CHRNA1: variants seen among roughly 807,000 people sequenced by gnomAD.
CHRNA1 encodes acetylcholine receptor subunit alpha.
In CHRNA1, 35 loss-of-function variants were observed where a neutral mutation model predicts 47.1. The ratio of observed to expected loss-of-function variants is 0.74; its 90% confidence interval spans 0.57 to 0.99. The LOEUF is 0.99. Among genes scored for constraint, CHRNA1 ranks in the 50% least tolerant of loss-of-function variants. CHRNA1 has a pLI of 0.00. For synonymous variants in CHRNA1, 229 were observed against 223.6 expected, an observed-to-expected ratio of 1.02 and a Z score of -0.22; for missense variants, 506 against 591.1, an observed-to-expected ratio of 0.86 and a Z score of 1.49.
At chr2:174,757,911 C>A in intron 3 of CHRNA1, 1 of 1,264,252 alleles carries the variant, frequency 7.9e-7, no homozygotes, top group Non-Finnish European at 1.1e-6. Flanking sequence ...ATTTAGTCCT[C>A]ACAACAATCC....
Position 174,748,719 on chromosome 2 carries a change from A to G in CHRNA1, c.1103T>C (p.Ile368Thr). ...DKKIFTEDIDISDISGKPGPP... is the reference protein window; with the variant it reads ...DKKIFTEDIDTSDISGKPGPP... ...CCCTGGCTTTCCAGAAATGTCAGAG[A>G]TATCAATGTCTTCTGTAAAAATCTT... The change falls in exon 8 of 9, where the codon ATC becomes ACC. Residue 368 changes from isoleucine to threonine, a missense_variant. Coordinates refer to ENST00000348749, the MANE Select transcript of CHRNA1 (RefSeq NM_000079.4). 1 of 1,614,224 alleles carries G rather than the reference A, an allele frequency of 6.2e-7. No individual in the cohort carries two copies.
chr2:174,748,742 C>A lies in CHRNA1; in HGVS notation c.1080G>T (p.Lys360Asn). 1.2e-6 allele frequency: 2 copies of A among 1,614,158 alleles called. No individual in the cohort carries two copies. The highest frequency in any genetic ancestry group is 8.5e-7 in the Non-Finnish European group (1 of 1,180,032). Residue 360 changes from lysine to asparagine, a missense_variant, in exon 8 of 9, where the codon AAG becomes AAT. Physicochemically the swap from Lys to Asn is moderately conservative, Grantham distance 94. Transcript: ENST00000348749. ...KRPSREKQDK[K>N]IFTEDIDISD... ...AGATATCAATGTCTTCTGTAAAAAT[C>A]TTTTTGTCTTGCTTTTCTCTGGATG...
intron 7 of CHRNA1, 83 bp downstream of exon 7, chr2:174,749,863 T>C: frequency 1.7e-6 from 2 of 1,211,654 alleles, no homozygotes; most frequent in Non-Finnish European, 1.2e-6. Context: ...GCCCCAAGTA[T>C]TAGCTAGAAA....
intron 1 of CHRNA1, among the ~76,000 whole-genome samples, chr2:174,759,929 TACACAC>T (rs5836472): frequency 1.4e-3 from 196 of 143,696 alleles, no homozygotes; most frequent in Middle Eastern, 3.5e-3. Context: ...GTTTGCCAGG[TACACAC>T]ACACACACAC....
Position 174,750,123 on chromosome 2 carries a change from C to T in CHRNA1, c.825G>A (p.Val275=), listed in dbSNP as rs1231716892. 2 of 1,612,524 alleles carry T rather than the reference C, an allele frequency of 1.2e-6. No individual in the cohort carries two copies. Among genetic ancestry groups the T allele is most frequent in the South Asian group, 2.2e-5 (2 of 91,020 alleles). The change falls in exon 7 of 9, where the codon GTG becomes GTA. Residue 275 remains valine, a synonymous_variant. Transcript: ENST00000348749. ...TCAGCTCCACGATGACCAGAAGGAA[C>T]ACAGTCAAAGACAGTAAGACAGAGA... is the stretch of plus-strand genomic sequence containing the variant. ...LSISVLLSLT[V]FLLVIVELIP...
At chr2:174,752,852 T>A (rs534104122) in intron 6 of CHRNA1, 12 of 154,862 alleles carry the variant, frequency 7.7e-5, no homozygotes, top group African/African-American at 2.9e-4. Flanking sequence ...TTGTCTGCCA[T>A]AAGTTGTTTA....
Position 174,759,422 on chromosome 2 carries a change from CA to C in CHRNA1, c.190-48del, listed in dbSNP as rs746026849. 2.5e-6 allele frequency: 4 copies of C among 1,613,634 alleles called. No homozygotes were observed. In the East Asian group the frequency reaches 8.9e-5, roughly 36 times the overall value. ...ATTTTTATGGGGGAGAGAGGGGACC[CA>C]GGGGAGGAAACCCAGGGGTGAGAGG... is the stretch of plus-strand genomic sequence containing the variant. On this transcript the variant is annotated intron_variant, in intron 2 of 8. Transcript: ENST00000348749.
intron 1 of CHRNA1, among the ~76,000 whole-genome samples, chr2:174,764,059 G>C (rs112181869): frequency 6.6e-6 from 1 of 152,174 alleles, no homozygotes; most frequent in East Asian, 1.9e-4. Context: ...AAATGGTGCC[G>C]AGTGTTCAGA....
Position 174,759,929 on chromosome 2 carries a change from TACAC to T in CHRNA1, c.44-300_44-297del, listed in dbSNP as rs5836472. On this transcript the variant is annotated intron_variant, in intron 1 of 8. Coordinates refer to ENST00000348749, the MANE Select transcript of CHRNA1 (RefSeq NM_000079.4). The stretch of plus-strand genomic sequence containing the variant: ...GCCTGGCTGAATCAAGTTTGCCAGG[TACAC>T]ACACACACACACACACACACACACA... Among the ~76,000 whole-genome samples, 52,879 of 143,676 alleles carry T rather than the reference TACAC, an allele frequency of 0.37. 10,724 individuals are homozygous for T. Among genetic ancestry groups the T allele is most frequent in the Non-Finnish European group, 0.46 (30,777 of 66,322 alleles). The allele number at this position is 143,676 out of a possible 152,430, so 94.3% of individuals were successfully genotyped here.
In CHRNA1 at chr2:174,754,141, T is replaced by C. The variant is rs1039482764; in HGVS notation, c.540+78A>G. 4 of 1,348,688 alleles carry C rather than the reference T, an allele frequency of 3.0e-6. No individual in the cohort carries two copies. The African/African-American group carries it at 4.3e-5, about 15-fold the overall frequency. 83.5% of individuals were successfully genotyped at this position (1,348,688 alleles called of 1,614,324 possible). ...AGTTCTAACTGGTACTGAGAGCCTA[T>C]GATTGTCCAAGGAAAAGTTGGAGAC... On this transcript the variant is annotated intron_variant, in intron 5 of 8. Coordinates refer to ENST00000348749, the MANE Select transcript of CHRNA1 (RefSeq NM_000079.4).
chr2:174,751,833 C>T (rs1475759684), intron 6 of CHRNA1, among the ~76,000 whole-genome samples: 1 of 151,920 alleles, frequency 6.6e-6, no homozygotes, highest in East Asian at 1.9e-4. Flanking sequence ...CACGTGCCAC[C>T]ACACCTGGCT....
rs1400544857 is a variant in CHRNA1 at position 174,750,044 on chromosome 2, TG to T, written c.903del (p.Met302TrpfsTer48). On this transcript the variant is annotated frameshift_variant, in exon 7 of 9. Coordinates refer to ENST00000348749, the MANE Select transcript of CHRNA1 (RefSeq NM_000079.4). LOFTEE classifies it high-confidence loss of function. ...VPLIGKYMLF[T>X]MVFVIASIII... is the part of the protein sequence containing the mutation. ...ATGATGGAGGCAATGACGAACACCA[TG>T]GTGAACAGCATGTATTTTCCAATCA... 1 of 1,614,078 alleles carries T rather than the reference TG, an allele frequency of 6.2e-7. No homozygotes were observed. The highest frequency in any genetic ancestry group is 1.3e-5 in the African/African-American group (1 of 74,974).
At position 174,754,415 on chromosome 2, in the gene CHRNA1, C is replaced by T. The variant is rs929152842; in HGVS notation, c.345-1G>A. On this transcript the variant is annotated splice_acceptor_variant, in intron 4 of 8. Transcript: ENST00000348749. LOFTEE classifies it high-confidence loss of function. ...GACAATAGCAAAGTCACCATCTGCA[C>T]TACAATTGGGATAAAAGAGGAAAAT... The T allele has an allele frequency of 1.2e-6, 2 of 1,613,910 alleles. No homozygotes were observed.
At chr2:174,750,423 A>G (rs1683825205) in intron 6 of CHRNA1, among the ~76,000 whole-genome samples, 1 of 152,190 alleles carries the variant, frequency 6.6e-6, no homozygotes, top group Admixed American at 6.5e-5. Context: ...ACGGAAGGCC[A>G]TGGGACACAG....
intron 3 of CHRNA1, among the ~76,000 whole-genome samples, chr2:174,758,589 T>A (rs1290113870): frequency 6.6e-6 from 1 of 151,974 alleles, no homozygotes; most frequent in Non-Finnish European, 1.5e-5. Context: ...TATATGCAAA[T>A]ATTTCAAAAT....
At chr2:174,757,265 A>G (rs1403616223) in intron 4 of CHRNA1, among the ~76,000 whole-genome samples, 1 of 152,052 alleles carries the variant, frequency 6.6e-6, no homozygotes, top group Non-Finnish European at 1.5e-5. Context: ...TCTTTAAGTC[A>G]TGAGACACCA....
In CHRNA1 at chr2:174,763,051, C is replaced by A. The variant is rs187380025; in HGVS notation, c.43+1301G>T. Among the ~76,000 whole-genome samples the A allele has an allele frequency of 1.1e-4, 16 of 152,236 alleles. No individual in the cohort carries two copies. In the East Asian group the frequency reaches 2.9e-3, roughly 28 times the overall value. Reference sequence around the variant, plus strand: ...AATGTATAAATTAAGTGACCTTGGGCAGGTCAGCTTTAGTTTCCTTGTAAT... The same window carrying A: ...AATGTATAAATTAAGTGACCTTGGGAAGGTCAGCTTTAGTTTCCTTGTAAT... On this transcript the variant is annotated intron_variant, in intron 1 of 8. Transcript: ENST00000348749.
In CHRNA1 at chr2:174,749,826, G is replaced by A. The variant is rs10208554; in HGVS notation, c.1002+120C>T. 1,510 of 879,148 alleles carry A rather than the reference G, an allele frequency of 1.7e-3. 16 individuals are homozygous for A. In the African/African-American group the frequency reaches 0.023, roughly 13 times the overall value. The allele number at this position is 879,148 out of a possible 1,614,324, so 54.5% of individuals were successfully genotyped here. On this transcript the variant is annotated intron_variant, in intron 7 of 8. Coordinates refer to ENST00000348749, the MANE Select transcript of CHRNA1 (RefSeq NM_000079.4). The stretch of plus-strand genomic sequence containing the variant: ...AAGTTCCTTCCAAAAATTCCCTAAA[G>A]CCCAAAGAGAACTTAGTTCCTAAAT...
chr2:174,757,718 T>G (rs1295692251), intron 3 of CHRNA1, 43 bp from the exon 4 acceptor site: 1 of 1,540,768 alleles, frequency 6.5e-7, no homozygotes. Flanking sequence ...CCAAAAACAC[T>G]TTCTAAAATC....
Sources: allele counts gnomAD v4.1 joint callset (sites outside exome capture counted in the v4.1 genomes callset), GRCh38; gene constraint gnomAD v4.1.1; transcripts MANE v1.5; gene names NCBI Gene and HGNC (gene_info 2026-07-23, HGNC 2026-07-21).